PCDHGB3: variants seen among roughly 807,000 people sequenced by gnomAD.
PCDHGB3 encodes protocadherin gamma-B3.
A neutral mutation model predicts 59.2 loss-of-function variants in PCDHGB3; 40 were observed. The ratio of observed to expected loss-of-function variants is 0.68; its 90% CI spans 0.52 to 0.88. The LOEUF (loss-of-function observed/expected upper bound fraction) is 0.88, where lower values mean the gene tolerates loss of function less well. Among genes scored for constraint, PCDHGB3 ranks in the 40% least tolerant of loss-of-function variants. PCDHGB3 has a pLI of 0.00. For synonymous variants in PCDHGB3, 581 were observed against 503.6 expected (o/e 1.15, Z -2.06); for missense variants, 1,309 against 1,187.9 (o/e 1.10, Z -1.50).
chr5:141,486,730 T>G lies in PCDHGB3; in HGVS notation c.2416-8077T>G, dbSNP rs775081505. On this transcript the variant is annotated intron_variant, in intron 1 of 3. Coordinates refer to ENST00000576222, the MANE Select transcript of PCDHGB3 (RefSeq NM_018924.5). This position sits in a 1 kb window ranked among gnomAD's most constrained non-coding sequence, Gnocchi z 5.0. ...ACCCCCAGACAGGAGCTGTTCATGC[T>G]ACTCGATCCTTTGACTATGAGCAAA... is the stretch of plus-strand genomic sequence containing the variant. 6.2e-7 allele frequency: 1 copy of G among 1,614,238 alleles called. No individual in the cohort carries two copies. The highest frequency in any genetic ancestry group is 8.5e-7 in the Non-Finnish European group (1 of 1,180,042).
At chr5:141,390,362 G>GA (rs1411664231) in intron 1 of PCDHGB3, 10 of 1,532,890 alleles carry the variant, frequency 6.5e-6, no homozygotes, top group Middle Eastern at 3.5e-4. Context: ...ATATTTGCAG[G>GA]AAAATATATA....
At position 141,477,687 on chromosome 5, in the gene PCDHGB3, C is replaced by A. The variant is rs1206813120; in HGVS notation, c.2416-17120C>A. The A allele has an allele frequency of 5.6e-6, 9 of 1,614,022 alleles. No homozygotes were observed. The highest frequency in any genetic ancestry group is 7.6e-6 in the Non-Finnish European group (9 of 1,180,040). ...AATGGCATAGTGTCATCCTTAGTGC[C>A]CCTAGACTATGAGGATCGGCGGGAA... On this transcript the variant is annotated intron_variant, in intron 1 of 3. Coordinates refer to ENST00000576222, the MANE Select transcript of PCDHGB3 (RefSeq NM_018924.5). This position sits in a 1 kb window ranked among gnomAD's most constrained non-coding sequence, Gnocchi z 4.9.
intron 1 of PCDHGB3, among the ~76,000 whole-genome samples, chr5:141,447,632 T>G (rs931349669): frequency 9.2e-5 from 14 of 152,160 alleles, no homozygotes; most frequent in Non-Finnish European, 2.1e-4. Flanking sequence ...ACCAACAGTA[T>G]GAATGATGGT....
chr5:141,478,563 C>A, intron 1 of PCDHGB3: 2 of 1,596,270 alleles, frequency 1.3e-6, no homozygotes, highest in South Asian at 1.1e-5. Context: ...TTTAGCAAGT[C>A]ATGCTTGACC....
At chr5:141,375,324 A>G in intron 1 of PCDHGB3, 2 of 1,613,806 alleles carry the variant, frequency 1.2e-6, no homozygotes, top group Non-Finnish European at 1.7e-6. Flanking sequence ...GACCGGGAAG[A>G]GGTATTCTTG....
At chr5:141,503,804 G>A (rs2099831736) in intron 2 of PCDHGB3, among the ~76,000 whole-genome samples, 1 of 152,034 alleles carries the variant, frequency 6.6e-6, no homozygotes, top group South Asian at 2.1e-4. Flanking sequence ...TAGGGACGGG[G>A]AATCCCAGAT....
At chr5:141,393,971 A>G (rs769025757) in intron 1 of PCDHGB3, 3 of 1,613,904 alleles carry the variant, frequency 1.9e-6, no homozygotes, top group Non-Finnish European at 2.5e-6. Flanking sequence ...TCTGTTACAC[A>G]CGTGATAATT....
intron 1 of PCDHGB3, chr5:141,379,352 A>G (rs1189647778): frequency 1.3e-5 from 2 of 152,198 alleles, no homozygotes; most frequent in Non-Finnish European, 2.9e-5. Flanking sequence ...ATTTTCTTGT[A>G]TCTTTGTGAT....
chr5:141,457,949 C>G (rs2098933653), intron 1 of PCDHGB3, among the ~76,000 whole-genome samples: 1 of 152,192 alleles, frequency 6.6e-6, no homozygotes. Flanking sequence ...CTCTGCATGT[C>G]AAGCTTGATT....
At chr5:141,411,417 C>T (rs2095487286) in intron 1 of PCDHGB3, 1 of 148,614 alleles carries the variant, frequency 6.7e-6, no homozygotes, top group Non-Finnish European at 1.5e-5. Context: ...ACTAAAACAA[C>T]AACAACAAAA....
chr5:141,376,532 G>A lies in PCDHGB3; in HGVS notation c.2415+3723G>A, dbSNP rs763806361. On this transcript the variant is annotated intron_variant, in intron 1 of 3. Transcript: ENST00000576222. ...GGTGAGTTTCTTTCCGCCTAAGCGGGAAGAGTAATCTGATCTTCCCGCAAC... is the reference window on the plus strand; with the variant it reads ...GGTGAGTTTCTTTCCGCCTAAGCGGAAAGAGTAATCTGATCTTCCCGCAAC... 3.7e-6 allele frequency: 6 copies of A among 1,613,740 alleles called. No individual in the cohort carries two copies. The Admixed American group carries it at 1.0e-4, about 27-fold the overall frequency.
Position 141,370,652 on chromosome 5 carries a change from G to A in PCDHGB3, c.258G>A (p.Val86=). Residue 86 remains valine, a synonymous_variant, in exon 1 of 4, where the codon GTG becomes GTA. Coordinates refer to ENST00000576222, the MANE Select transcript of PCDHGB3 (RefSeq NM_018924.5). ...TVSPENGNLL[V]SDRIDREEIC... ...GCCCCGAAAATGGGAACTTACTTGTGAGCGACCGTATAGACCGAGAGGAGA... is the reference window on the plus strand; with the variant it reads ...GCCCCGAAAATGGGAACTTACTTGTAAGCGACCGTATAGACCGAGAGGAGA... 1 of 1,613,890 alleles carries A rather than the reference G, an allele frequency of 6.2e-7. No individual in the cohort carries two copies. Among genetic ancestry groups the A allele is most frequent in the Non-Finnish European group, 8.5e-7 (1 of 1,179,892 alleles).
intron 1 of PCDHGB3, among the ~76,000 whole-genome samples, chr5:141,494,382 G>C (rs1311387598): frequency 6.6e-6 from 1 of 152,182 alleles, no homozygotes; most frequent in Non-Finnish European, 1.5e-5. Flanking sequence ...CCCAGCTGAG[G>C]AGTTGAATAA....
chr5:141,393,023 T>G (rs372159245), intron 1 of PCDHGB3: 22 of 1,613,668 alleles, frequency 1.4e-5, no homozygotes, highest in Non-Finnish European at 1.7e-5. Flanking sequence ...TCTCCAGAGG[T>G]AGGACGCAGC....
At chr5:141,374,365 G>T (rs1180030505) in intron 1 of PCDHGB3, 2 of 1,614,054 alleles carry the variant, frequency 1.2e-6, no homozygotes, top group South Asian at 1.1e-5. Flanking sequence ...ACCGCGAGGA[G>T]CTCTGTGCTC....
Position 141,487,278 on chromosome 5 carries a change from T to G in PCDHGB3, c.2416-7529T>G. 6 of 1,614,180 alleles carry G rather than the reference T, an allele frequency of 3.7e-6. No individual in the cohort carries two copies. Among genetic ancestry groups the G allele is most frequent in the Non-Finnish European group, 5.1e-6 (6 of 1,180,040 alleles). On this transcript the variant is annotated intron_variant, in intron 1 of 3. Coordinates refer to ENST00000576222, the MANE Select transcript of PCDHGB3 (RefSeq NM_018924.5). The surrounding 1 kb of genome is among the most constrained non-coding windows in gnomAD (Gnocchi z 5.0). Reference sequence around the variant, plus strand: ...GCTGTGTCCCTAGTGGCAATTTGCTTTGTCTCCTTTGGCTCATTCGTGGCA... The same window carrying G: ...GCTGTGTCCCTAGTGGCAATTTGCTGTGTCTCCTTTGGCTCATTCGTGGCA...
chr5:141,415,077 A>C, intron 1 of PCDHGB3: 2 of 1,613,468 alleles, frequency 1.2e-6, no homozygotes, highest in Non-Finnish European at 1.7e-6. Flanking sequence ...GCACGGCGCG[A>C]GCCCTGCTGG....
rs1477077191 is a variant in PCDHGB3, at chr5:141,427,802, C to T, written c.2415+54993C>T. 7.3e-6 allele frequency: 11 copies of T among 1,510,148 alleles called. No individual in the cohort carries two copies. In the South Asian group the frequency reaches 9.0e-5, roughly 12 times the overall value. The allele number at this position is 1,510,148 out of a possible 1,614,324, so 93.5% of individuals were successfully genotyped here. A position where few individuals can be genotyped will look rare whatever the true frequency, so the allele number is the denominator to read the frequency against. On this transcript the variant is annotated intron_variant, in intron 1 of 3. Transcript: ENST00000576222. ...CACTGTCGTCCTACGTGTCCGTGAG[C>T]GCACAGAGCGGGGTGGTGGTCGCGC... is the stretch of plus-strand genomic sequence containing the variant.
intron 1 of PCDHGB3, chr5:141,375,703 G>A (rs776426026): frequency 3.7e-6 from 6 of 1,614,144 alleles, no homozygotes; most frequent in Admixed American, 1.7e-5. Context: ...GCGGGGACCC[G>A]CCTCTTAGCA....
Sources: allele counts gnomAD v4.1 joint callset (sites outside exome capture counted in the v4.1 genomes callset), GRCh38; gene constraint gnomAD v4.1.1; non-coding constraint Gnocchi (gnomAD v3.1); transcripts MANE v1.5; gene names NCBI Gene and HGNC (gene_info 2026-07-23, HGNC 2026-07-21).